Variants in ELMO1 observed in about 807,000 individuals in gnomAD.
The protein encoded by ELMO1 is engulfment and cell motility 1.
A neutral mutation model predicts 98.9 loss-of-function variants in ELMO1; 26 were observed. That is an observed-to-expected ratio of 0.26 (90% CI 0.19 to 0.36). The LOEUF (loss-of-function observed/expected upper bound fraction) is 0.36, where lower values mean the gene tolerates loss of function less well. Ranked by LOEUF, ELMO1 falls within the 10% of genes least tolerant of loss-of-function variation. ELMO1 has a pLI of 1.00. For missense variants in ELMO1, 627 were observed against 935.2 expected (o/e 0.67, Z 4.30); for synonymous variants, 346 against 346.0 (o/e 1.00, Z 0.00).
chr7:36,883,778 T>A (rs192957159), intron 18 of ELMO1, among the ~76,000 whole-genome samples: 62 of 152,278 alleles, frequency 4.1e-4, no homozygotes, highest in Non-Finnish European at 7.6e-4. Flanking sequence ...TATAAATTAG[T>A]CAGTCTTAGG....
intron 5 of ELMO1, among the ~76,000 whole-genome samples, chr7:37,267,032 T>TAAAA (rs1562567198): frequency 5.7e-5 from 1 of 17,434 alleles, no homozygotes; most frequent in Non-Finnish European, 1.0e-4. Flanking sequence ...AAAAAATATG[T>TAAAA]ATATATACAC....
At position 37,033,734 on chromosome 7, in the gene ELMO1, G is replaced by C. The variant is rs1795011057; in HGVS notation, c.1301-20299C>G. Reference sequence around the variant, plus strand: ...TCCCATGATGTGAGATCAGGGACATGAATACTGGAGACTAAGATCATCAGA... The same window carrying C: ...TCCCATGATGTGAGATCAGGGACATCAATACTGGAGACTAAGATCATCAGA... On this transcript the variant is annotated intron_variant, in intron 15 of 21. Transcript: ENST00000310758. Among the ~76,000 whole-genome samples the C allele has an allele frequency of 2.0e-5, 3 of 152,204 alleles. No homozygotes were observed. The South Asian group carries it at 6.2e-4, about 32-fold the overall frequency.
At chr7:36,926,633 A>G (rs780258299) in intron 16 of ELMO1, among the ~76,000 whole-genome samples, 17 of 152,180 alleles carry the variant, frequency 1.1e-4, no homozygotes, top group Non-Finnish European at 2.4e-4. Context: ...AGAGGATAGA[A>G]AGAAAATCCA....
At chr7:36,899,568 C>T (rs899447466) in intron 16 of ELMO1, among the ~76,000 whole-genome samples, 2 of 152,054 alleles carry the variant, frequency 1.3e-5, no homozygotes, top group Non-Finnish European at 2.9e-5. Flanking sequence ...AGTATGGCTT[C>T]TCAGCCTTTA....
At chr7:36,945,807 T>C (rs10246399) in intron 16 of ELMO1, among the ~76,000 whole-genome samples, 11,639 of 152,288 alleles carry the variant, frequency 0.076, 665 homozygotes, top group Non-Finnish European at 0.11. Flanking sequence ...CTAGAGTGAC[T>C]GTATCTCACT....
intron 14 of ELMO1, among the ~76,000 whole-genome samples, chr7:37,097,693 C>T (rs1784435078): frequency 6.6e-6 from 1 of 152,034 alleles, no homozygotes; most frequent in South Asian, 2.1e-4. Context: ...GACGGTGCCC[C>T]TGGAGTGTGG....
intron 1 of ELMO1, among the ~76,000 whole-genome samples, chr7:37,406,267 G>T (rs367658180): frequency 2.7e-4 from 40 of 145,558 alleles, no homozygotes; most frequent in East Asian, 1.0e-3. Context: ...TTACTCTTTT[G>T]TTTTTTTTTT....
At chr7:37,123,510 T>G (rs573001619) in intron 14 of ELMO1, among the ~76,000 whole-genome samples, 5 of 152,204 alleles carry the variant, frequency 3.3e-5, no homozygotes, top group African/African-American at 1.2e-4. Context: ...TATAAACACC[T>G]CTACATAAAT....
At chr7:37,071,720 T>C (rs1163320013) in intron 15 of ELMO1, among the ~76,000 whole-genome samples, 1 of 152,222 alleles carries the variant, frequency 6.6e-6, no homozygotes, top group Non-Finnish European at 1.5e-5. Flanking sequence ...GCTACCATAT[T>C]TTATTTACTA....
chr7:37,202,158 T>A (rs1207386933), intron 13 of ELMO1, among the ~76,000 whole-genome samples: 1 of 152,214 alleles, frequency 6.6e-6, no homozygotes, highest in Non-Finnish European at 1.5e-5. Context: ...TATACTGTTA[T>A]TTTACTTTTA....
At chr7:37,447,167 A>G (rs1805650635) in intron 1 of ELMO1, among the ~76,000 whole-genome samples, 1 of 152,176 alleles carries the variant, frequency 6.6e-6, no homozygotes, top group African/African-American at 2.4e-5. Context: ...ATATCCCTCT[A>G]TGTCCCAAAG....
intron 7 of ELMO1, among the ~76,000 whole-genome samples, chr7:37,237,624 G>A (rs765788762): frequency 6.6e-6 from 1 of 152,166 alleles, no homozygotes; most frequent in Non-Finnish European, 1.5e-5. Flanking sequence ...GAAAATAAAG[G>A]CCACTTTTAA....
At chr7:36,975,273 C>T (rs534756386) in intron 16 of ELMO1, among the ~76,000 whole-genome samples, 20 of 152,030 alleles carry the variant, frequency 1.3e-4, no homozygotes, top group African/African-American at 4.3e-4. Context: ...AGTTCGAGGC[C>T]AGCCTGGGCA....
chr7:37,055,345 C>T (rs1796338512), intron 15 of ELMO1, among the ~76,000 whole-genome samples: 1 of 152,194 alleles, frequency 6.6e-6, no homozygotes, highest in Non-Finnish European at 1.5e-5. Flanking sequence ...GGCTGATTTC[C>T]CTTTGTGAAC....
At chr7:37,160,439 T>C (rs1789122592) in intron 13 of ELMO1, among the ~76,000 whole-genome samples, 1 of 152,218 alleles carries the variant, frequency 6.6e-6, no homozygotes, top group African/African-American at 2.4e-5. Flanking sequence ...TCCTCCCCTG[T>C]GTAGAAAATA....
In ELMO1 at chr7:37,331,295, G is replaced by A. The variant is rs541587294; in HGVS notation, c.78+11318C>T. Among the ~76,000 whole-genome samples the A allele has an allele frequency of 6.3e-4, 92 of 146,664 alleles. 1 individual carries two copies. The highest frequency in any genetic ancestry group is 3.5e-3 in the Middle Eastern group (1 of 282). ...CACCATTCTCCTGCCTCAGCCTCCC[G>A]AGTAGCTGGGACTACAGGCGCCAGC... is the stretch of plus-strand genomic sequence containing the variant. On this transcript the variant is annotated intron_variant, in intron 2 of 21. Transcript: ENST00000310758.
intron 17 of ELMO1, among the ~76,000 whole-genome samples, chr7:36,891,960 G>A (rs1805592624): frequency 6.6e-6 from 1 of 152,142 alleles, no homozygotes; most frequent in Non-Finnish European, 1.5e-5. Flanking sequence ...CAATTAATTG[G>A]ATGGACTTAT....
At chr7:37,228,617 C>A (rs897682391) in intron 8 of ELMO1, among the ~76,000 whole-genome samples, 2 of 152,152 alleles carry the variant, frequency 1.3e-5, no homozygotes, top group Middle Eastern at 3.2e-3. Flanking sequence ...AGCTAAGGGG[C>A]ATTACAGTGC....
At chr7:37,406,044 G>A in intron 1 of ELMO1, among the ~76,000 whole-genome samples, 1 of 152,146 alleles carries the variant, frequency 6.6e-6, no homozygotes, top group East Asian at 1.9e-4. Flanking sequence ...GATACCACTG[G>A]GATCTAGGGG....
Sources: gnomAD v4.1 joint callset for allele counts (sites outside exome capture counted in the v4.1 genomes callset) on GRCh38, gnomAD v4.1.1 for gene constraint, MANE v1.5 for transcripts, NCBI Gene and HGNC (gene_info 2026-07-23, HGNC 2026-07-21) for gene names.